SPAG16: variants seen among roughly 807,000 people sequenced by gnomAD.
The protein encoded by SPAG16 is sperm associated antigen 16, also known as sperm-associated antigen 16 protein.
SPAG16 carries 86 observed loss-of-function variants against 80.4 expected under a neutral mutation model. That is an observed-to-expected ratio of 1.07 (90% CI 0.90 to 1.28). The LOEUF is 1.28. Ranked by LOEUF, SPAG16 falls within the 50% of genes most tolerant of loss-of-function variation. The pLI, the probability that SPAG16 is intolerant of heterozygous loss-of-function variation, is 0.00. For synonymous variants in SPAG16, 294 were observed against 265.9 expected (o/e 1.11, Z -1.03); for missense variants, 870 against 765.3 (o/e 1.14, Z -1.61).
At chr2:213,865,974 A>T (rs543936448) in intron 11 of SPAG16, among the ~76,000 whole-genome samples, 1 of 149,842 alleles carries the variant, frequency 6.7e-6, no homozygotes, top group Non-Finnish European at 1.5e-5. Context: ...GGAAATAATA[A>T]ATCTCTGTGA....
intron 10 of SPAG16, among the ~76,000 whole-genome samples, chr2:213,654,612 G>A (rs2063150644): frequency 6.6e-6 from 1 of 150,402 alleles, no homozygotes; most frequent in Non-Finnish European, 1.5e-5. Flanking sequence ...AGCTACTCGG[G>A]AGGCTGAGGC....
At chr2:214,351,217 G>A (rs914404661) in intron 15 of SPAG16, among the ~76,000 whole-genome samples, 5 of 152,144 alleles carry the variant, frequency 3.3e-5, no homozygotes, top group African/African-American at 1.2e-4. Context: ...ATTACTAAAA[G>A]AGAAAGAATA....
intron 15 of SPAG16, among the ~76,000 whole-genome samples, chr2:214,207,543 T>C (rs763442606): frequency 6.6e-6 from 1 of 152,208 alleles, no homozygotes; most frequent in African/African-American, 2.4e-5. Context: ...CTTATTTTCA[T>C]TGATTTCTCA....
chr2:213,929,937 T>A (rs755186401), intron 11 of SPAG16, 23 bp from the exon 12 acceptor site: 3 of 1,594,866 alleles, frequency 1.9e-6, no homozygotes, highest in Non-Finnish European at 2.6e-6. Context: ...AAACAAGCTG[T>A]CTTTTTATGT....
chr2:214,057,562 A>G (rs1484086000), intron 13 of SPAG16, among the ~76,000 whole-genome samples: 1 of 152,180 alleles, frequency 6.6e-6, no homozygotes, highest in East Asian at 1.9e-4. Flanking sequence ...CAAAGGCCCT[A>G]GGATTTTTTG....
intron 6 of SPAG16, among the ~76,000 whole-genome samples, chr2:213,342,363 ACATATATATGTAT>A (rs1462936634): frequency 6.8e-6 from 1 of 147,310 alleles, no homozygotes; most frequent in Non-Finnish European, 1.5e-5. Context: ...TATATATATT[ACATATATATGTAT>A]TATATATATA....
chr2:213,561,849 T>C (rs2059606349), intron 10 of SPAG16, among the ~76,000 whole-genome samples: 1 of 152,246 alleles, frequency 6.6e-6, no homozygotes, highest in South Asian at 2.1e-4. Context: ...TTCCGGTATG[T>C]AATGATATTG....
chr2:214,295,240 T>G (rs758752160), intron 15 of SPAG16, among the ~76,000 whole-genome samples: 24 of 152,228 alleles, frequency 1.6e-4, no homozygotes, highest in Non-Finnish European at 2.6e-4. Context: ...ATTATTCAAC[T>G]AATGGATCCA....
intron 12 of SPAG16, among the ~76,000 whole-genome samples, chr2:214,010,778 G>A (rs1010896122): frequency 1.4e-5 from 2 of 146,230 alleles, no homozygotes; most frequent in Non-Finnish European, 3.0e-5. Flanking sequence ...AAGGAGGGAC[G>A]CTGAGTTTGA....
intron 10 of SPAG16, among the ~76,000 whole-genome samples, chr2:213,729,925 G>A (rs1166403426): frequency 6.6e-6 from 1 of 152,148 alleles, no homozygotes; most frequent in Non-Finnish European, 1.5e-5. Flanking sequence ...CTCTATCACT[G>A]GACTGAGAGG....
chr2:213,859,478 A>G (rs2075328733), intron 10 of SPAG16, among the ~76,000 whole-genome samples: 1 of 152,142 alleles, frequency 6.6e-6, no homozygotes, highest in Admixed American at 6.6e-5. Context: ...TACACTGGCA[A>G]TTTCTAAATT....
At chr2:213,344,512 A>G (rs998351380) in intron 6 of SPAG16, among the ~76,000 whole-genome samples, 1 of 151,990 alleles carries the variant, frequency 6.6e-6, no homozygotes, top group Non-Finnish European at 1.5e-5. Flanking sequence ...TATATCTCCT[A>G]ATGCTATCCC....
chr2:213,807,912 T>C (rs2071871292), intron 10 of SPAG16, among the ~76,000 whole-genome samples: 1 of 152,228 alleles, frequency 6.6e-6, no homozygotes, highest in Non-Finnish European at 1.5e-5. Flanking sequence ...GACTGTGATG[T>C]ATATTTTCTA....
intron 6 of SPAG16, among the ~76,000 whole-genome samples, chr2:213,340,842 A>G (rs1464021151): frequency 3.9e-5 from 6 of 152,292 alleles, no homozygotes; most frequent in African/African-American, 1.4e-4. Context: ...TACAAAAACA[A>G]GAAAATAAAT....
At chr2:214,219,571 CAAG>C (rs1488921472) in intron 15 of SPAG16, among the ~76,000 whole-genome samples, 2 of 151,748 alleles carry the variant, frequency 1.3e-5, no homozygotes, top group Admixed American at 6.6e-5. Flanking sequence ...TAAAAAAATC[CAAG>C]AAGAAGAAAC....
At chr2:213,349,034 A>G (rs2065176273) in intron 6 of SPAG16, among the ~76,000 whole-genome samples, 1 of 152,204 alleles carries the variant, frequency 6.6e-6, no homozygotes, top group Non-Finnish European at 1.5e-5. Context: ...ACCACAACCA[A>G]ATTAAATTAG....
At chr2:214,069,164 A>C (rs1244132975) in intron 13 of SPAG16, among the ~76,000 whole-genome samples, 1 of 152,146 alleles carries the variant, frequency 6.6e-6, no homozygotes, top group Non-Finnish European at 1.5e-5. Context: ...AGGACACTTA[A>C]ATCTTTTTGC....
At chr2:213,541,255 T>C (rs1203976930) in intron 10 of SPAG16, among the ~76,000 whole-genome samples, 1 of 152,144 alleles carries the variant, frequency 6.6e-6, no homozygotes, top group Non-Finnish European at 1.5e-5. Context: ...GGAAAATCCC[T>C]CAAAAGCCTT....
At chr2:213,464,666 G>A (rs1326206935) in intron 9 of SPAG16, among the ~76,000 whole-genome samples, 1 of 152,110 alleles carries the variant, frequency 6.6e-6, no homozygotes, top group African/African-American at 2.4e-5. Context: ...CCCATTCTTT[G>A]GGCTCCAGCG....
Sources: gnomAD v4.1 joint callset for allele counts (sites outside exome capture counted in the v4.1 genomes callset) on GRCh38, gnomAD v4.1.1 for gene constraint, MANE v1.5 for transcripts, NCBI Gene and HGNC (gene_info 2026-07-23, HGNC 2026-07-21) for gene names.